LAMA2: variants seen among roughly 807,000 people sequenced by gnomAD.
LAMA2 encodes laminin subunit alpha 2.
Under a neutral mutation model 364.8 loss-of-function variants are expected in LAMA2, and 269 were observed. That is an observed-to-expected ratio of 0.74 (90% confidence interval 0.67 to 0.82). The LOEUF (loss-of-function observed/expected upper bound fraction) is 0.82, where lower values mean the gene tolerates loss of function less well. Ranked by LOEUF, LAMA2 falls within the 40% of genes least tolerant of loss-of-function variation. The pLI is 0.00. For synonymous variants in LAMA2, 1,379 were observed against 1,370.6 expected, an observed-to-expected ratio of 1.01 and a Z score of -0.14; for missense variants, 3,807 against 3,873.2, an observed-to-expected ratio of 0.98 and a Z score of 0.45.
intron 4 of LAMA2, among the ~76,000 whole-genome samples, chr6:129,133,754 G>A (rs1371319751): frequency 6.6e-6 from 1 of 152,130 alleles, no homozygotes; most frequent in Admixed American, 6.6e-5. Flanking sequence ...GAGGCTGCTA[G>A]TAGCTATCCT....
At chr6:129,031,334 A>G (rs1786204818) in intron 1 of LAMA2, among the ~76,000 whole-genome samples, 1 of 152,120 alleles carries the variant, frequency 6.6e-6, no homozygotes, top group Non-Finnish European at 1.5e-5. Context: ...TACACTATGC[A>G]TTAGGCTGAG....
chr6:129,083,087 C>G (rs1207376287), intron 3 of LAMA2, among the ~76,000 whole-genome samples: 1 of 151,922 alleles, frequency 6.6e-6, no homozygotes, highest in Non-Finnish European at 1.5e-5. Context: ...CACACACACA[C>G]ACACACACAC....
At chr6:129,297,982 G>A in intron 21 of LAMA2, 117 bp downstream of exon 21, 1 of 703,754 alleles carries the variant, frequency 1.4e-6, no homozygotes, top group Non-Finnish European at 2.2e-6. Context: ...TTAACATAAT[G>A]AGTAATGTCT....
At chr6:129,410,166 G>C (rs9321166) in intron 40 of LAMA2, among the ~76,000 whole-genome samples, 76,053 of 151,742 alleles carry the variant, frequency 0.5, 19,524 homozygotes, top group African/African-American at 0.62. Flanking sequence ...GATTCTTCAA[G>C]ATAATGGAAA....
chr6:129,328,603 C>T (rs1301382523), intron 29 of LAMA2, among the ~76,000 whole-genome samples, 191 bp downstream of exon 29: 2 of 152,126 alleles, frequency 1.3e-5, no homozygotes, highest in Non-Finnish European at 2.9e-5. Context: ...CTGGGAGAAC[C>T]ACTGAGCATG....
At chr6:128,929,627 G>T (rs1779326601) in intron 1 of LAMA2, 3 of 1,398,842 alleles carry the variant, frequency 2.1e-6, no homozygotes, top group Admixed American at 1.7e-5. Flanking sequence ...ATGCTGACCT[G>T]CTCAAATATG....
chr6:129,375,641 T>A (rs1778329119), intron 34 of LAMA2, among the ~76,000 whole-genome samples: 1 of 152,206 alleles, frequency 6.6e-6, no homozygotes, highest in African/African-American at 2.4e-5. Context: ...CCTCTCATCA[T>A]CCCTTCAAAG....
chr6:129,210,697 G>A (rs1783040652), intron 12 of LAMA2, among the ~76,000 whole-genome samples: 2 of 152,192 alleles, frequency 1.3e-5, no homozygotes, highest in African/African-American at 2.4e-5. Context: ...CACAGGGCCT[G>A]TTGGGAAGAG....
intron 2 of LAMA2, 54 bp downstream of exon 2, chr6:129,050,142 G>T: frequency 3.2e-6 from 5 of 1,557,586 alleles, no homozygotes; most frequent in Non-Finnish European, 4.4e-6. Context: ...ATAATTGTGA[G>T]ATGTTGAGGC....
At chr6:129,038,200 G>C (rs561366124) in intron 1 of LAMA2, among the ~76,000 whole-genome samples, 1 of 152,244 alleles carries the variant, frequency 6.6e-6, no homozygotes, top group South Asian at 2.1e-4. Flanking sequence ...TTGAGTCTTT[G>C]TATAATTGCT....
chr6:129,265,104 T>G (rs2114337073), intron 15 of LAMA2, among the ~76,000 whole-genome samples: 2 of 152,242 alleles, frequency 1.3e-5, no homozygotes, highest in Middle Eastern at 3.4e-3. Flanking sequence ...AGAGTGAATA[T>G]TGAGAAGATA....
At chr6:129,269,133 G>A (rs559778571) in intron 16 of LAMA2, among the ~76,000 whole-genome samples, 1 of 151,938 alleles carries the variant, frequency 6.6e-6, no homozygotes. Context: ...AATATTTTTG[G>A]CACCAGAACA....
intron 4 of LAMA2, among the ~76,000 whole-genome samples, chr6:129,138,617 T>C (rs1200567398): frequency 6.6e-6 from 1 of 152,192 alleles, no homozygotes; most frequent in Non-Finnish European, 1.5e-5. Flanking sequence ...CATATATTCA[T>C]GGTACTTTCA....
chr6:129,313,213 G>T, intron 23 of LAMA2, 116 bp downstream of exon 23: 1 of 660,382 alleles, frequency 1.5e-6, no homozygotes. Context: ...ACAAACAGAT[G>T]GACAAAATCT....
intron 2 of LAMA2, among the ~76,000 whole-genome samples, chr6:129,058,387 C>T (rs940520880): frequency 6.6e-6 from 1 of 152,160 alleles, no homozygotes; most frequent in Non-Finnish European, 1.5e-5. Flanking sequence ...CAACAAAGGT[C>T]ACAGGTCTGT....
intron 41 of LAMA2, among the ~76,000 whole-genome samples, chr6:129,428,633 C>T (rs984680871): frequency 6.6e-6 from 1 of 152,008 alleles, no homozygotes; most frequent in African/African-American, 2.4e-5. Flanking sequence ...TGAGTAGAGA[C>T]AGGGTTTCAC....
chr6:129,397,863 G>A (rs533159313), intron 37 of LAMA2, among the ~76,000 whole-genome samples: 2 of 151,306 alleles, frequency 1.3e-5, no homozygotes, highest in South Asian at 4.2e-4. Context: ...TGTGAACCTG[G>A]GAGGCAGAGC....
At chr6:129,345,682 T>G (rs910896682) in intron 30 of LAMA2, among the ~76,000 whole-genome samples, 3 of 152,120 alleles carry the variant, frequency 2.0e-5, no homozygotes, top group Non-Finnish European at 4.4e-5. Flanking sequence ...ACACAAAAAC[T>G]TGTGTGTGTA....
At chr6:129,177,006 A>T (rs911680494) in intron 9 of LAMA2, among the ~76,000 whole-genome samples, 1 of 149,988 alleles carries the variant, frequency 6.7e-6, no homozygotes, top group African/African-American at 2.5e-5. Flanking sequence ...TATATTACTG[A>T]TTTGCTTTTA....
Sources: allele counts gnomAD v4.1 joint callset (sites outside exome capture counted in the v4.1 genomes callset), GRCh38; gene constraint gnomAD v4.1.1; transcripts MANE v1.5; gene names NCBI Gene and HGNC (gene_info 2026-07-23, HGNC 2026-07-21).